The following GULP1 variants were observed in gnomAD, a reference collection of about 807,000 sequenced individuals.
GULP1 encodes the protein GULP PTB domain containing engulfment adaptor 1.
Under a neutral mutation model 40.9 loss-of-function variants are expected in GULP1, and 19 were observed. The ratio of observed to expected loss-of-function variants is 0.46; its 90% CI spans 0.32 to 0.68. GULP1 has a LOEUF of 0.68. GULP1 is among the 30% of genes least tolerant of loss of function. The probability of loss-of-function intolerance (pLI) is 0.03; values close to 1 mark genes in which losing one functional copy is unlikely to be tolerated. For missense variants in GULP1, 312 were observed against 362.2 expected, an observed-to-expected ratio of 0.86 and a Z score of 1.12; for synonymous variants, 119 against 117.6, an observed-to-expected ratio of 1.01 and a Z score of -0.08.
intron 5 of GULP1, 157 bp downstream of exon 5, chr2:188,522,984 T>A (rs898551366): frequency 5.8e-6 from 3 of 514,990 alleles, no homozygotes; most frequent in African/African-American, 5.7e-5. Flanking sequence ...AAGGAAACAT[T>A]TTTAATAACA....
At chr2:188,540,377 T>A (rs925386399) in intron 6 of GULP1, among the ~76,000 whole-genome samples, 3 of 151,800 alleles carry the variant, frequency 2.0e-5, no homozygotes, top group Non-Finnish European at 4.4e-5. Context: ...TTATTTTATA[T>A]AAATATTTTT....
chr2:188,436,011 C>T (rs1382417863), intron 2 of GULP1, among the ~76,000 whole-genome samples: 1 of 152,020 alleles, frequency 6.6e-6, no homozygotes, highest in African/African-American at 2.4e-5. Context: ...GTTTTGAGAC[C>T]TTAATTATAT....
intron 9 of GULP1, among the ~76,000 whole-genome samples, chr2:188,579,466 G>C (rs903368281): frequency 1.3e-5 from 2 of 152,116 alleles, no homozygotes; most frequent in African/African-American, 4.8e-5. Flanking sequence ...CCTGCACACA[G>C]TGTGTAATGA....
chr2:188,592,156 A>T (rs1456656396), intron 11 of GULP1: 1 of 152,004 alleles, frequency 6.6e-6, no homozygotes, highest in Non-Finnish European at 1.5e-5. Context: ...TCCAATATTG[A>T]TAACACATTG....
At chr2:188,317,154 A>G (rs1048354481) in intron 1 of GULP1, among the ~76,000 whole-genome samples, 1 of 152,160 alleles carries the variant, frequency 6.6e-6, no homozygotes, top group Non-Finnish European at 1.5e-5. Context: ...GCCCTGCACA[A>G]TCTGGCCTCA....
chr2:188,532,233 T>C (rs1687734643), intron 6 of GULP1, among the ~76,000 whole-genome samples: 1 of 152,234 alleles, frequency 6.6e-6, no homozygotes, highest in Non-Finnish European at 1.5e-5. Context: ...ATTGAACATA[T>C]GGAATGTTTC....
rs2048395646 is a variant in GULP1, at chr2:188,377,134, T to C, written c.-171-6629T>C. Among the ~76,000 whole-genome samples the C allele has an allele frequency of 2.7e-5, 4 of 150,524 alleles. No homozygotes were observed. The South Asian group carries it at 8.3e-4, about 31-fold the overall frequency. On this transcript the variant is annotated intron_variant, in intron 1 of 11. Transcript: ENST00000409830. ...TTGTGGTGAGCCGAGATTGCACCAC[T>C]GCACTCCATCCTGGGCAACAGAGCG...
At chr2:188,348,060 A>G (rs1344961460) in intron 1 of GULP1, among the ~76,000 whole-genome samples, 1 of 152,256 alleles carries the variant, frequency 6.6e-6, no homozygotes, top group African/African-American at 2.4e-5. Flanking sequence ...TCAAAGAAAT[A>G]AAATTCAGTG....
In GULP1 at chr2:188,414,121, G is replaced by A. The variant is rs191241019; in HGVS notation, c.-45+30232G>A. ...AATCCCAGCTACTCAGGAAGCTGTGGCAGGAGAATTGCTTGAACCTGGGAG... is the reference window on the plus strand; with the variant it reads ...AATCCCAGCTACTCAGGAAGCTGTGACAGGAGAATTGCTTGAACCTGGGAG... On this transcript the variant is annotated intron_variant, in intron 2 of 11. Coordinates refer to ENST00000409830, the MANE Select transcript of GULP1 (RefSeq NM_016315.4). Among the ~76,000 whole-genome samples, 855 of 151,284 alleles carry A rather than the reference G, an allele frequency of 5.7e-3. 10 individuals are homozygous for A. The highest frequency in any genetic ancestry group is 5.5e-3 in the Admixed American group (84 of 15,170).
At position 188,343,459 on chromosome 2, in the gene GULP1, C is replaced by T. The variant is rs530603456; in HGVS notation, c.-171-40304C>T. ...GCTTGTAGTGTACAGTTAGAGTAGACGTCCTCTTATCTGATAGCATCGTGA... is the reference window on the plus strand; with the variant it reads ...GCTTGTAGTGTACAGTTAGAGTAGATGTCCTCTTATCTGATAGCATCGTGA... On this transcript the variant is annotated intron_variant, in intron 1 of 11. Transcript: ENST00000409830. 7.2e-5 allele frequency among the ~76,000 whole-genome samples: 11 copies of T among 152,238 alleles called. 1 individual carries two copies. Among genetic ancestry groups the T allele is most frequent in the Middle Eastern group, 6.8e-3 (2 of 294 alleles).
At chr2:188,348,753 T>C (rs2044047501) in intron 1 of GULP1, among the ~76,000 whole-genome samples, 1 of 152,206 alleles carries the variant, frequency 6.6e-6, no homozygotes, top group African/African-American at 2.4e-5. Context: ...CTTACCTGAC[T>C]GTAGTACTGT....
intron 4 of GULP1, among the ~76,000 whole-genome samples, chr2:188,518,434 A>G (rs2065406871): frequency 6.6e-6 from 1 of 152,104 alleles, no homozygotes; most frequent in South Asian, 2.1e-4. Context: ...TTGTGGAGTT[A>G]CAAAACTTGA....
intron 2 of GULP1, among the ~76,000 whole-genome samples, chr2:188,402,632 T>A (rs953417288): frequency 6.6e-6 from 1 of 152,006 alleles, no homozygotes; most frequent in African/African-American, 2.4e-5. Flanking sequence ...GCTGGGAATG[T>A]TTAAATGACT....
At chr2:188,340,023 C>A (rs576813946) in intron 1 of GULP1, among the ~76,000 whole-genome samples, 2 of 152,010 alleles carry the variant, frequency 1.3e-5, no homozygotes, top group Non-Finnish European at 2.9e-5. Context: ...CTAAAAAGAA[C>A]GAGAGAGATT....
At chr2:188,585,556 C>A (rs1232270150) in intron 10 of GULP1, among the ~76,000 whole-genome samples, 1 of 152,196 alleles carries the variant, frequency 6.6e-6, no homozygotes, top group East Asian at 1.9e-4. Context: ...AGGCCCAACA[C>A]CACAGGGAAG....
intron 1 of GULP1, among the ~76,000 whole-genome samples, chr2:188,364,052 C>T (rs185199251): frequency 1.8e-4 from 28 of 152,280 alleles, no homozygotes; most frequent in African/African-American, 6.3e-4. Flanking sequence ...GCTACTTTGT[C>T]TAGCATCTAG....
chr2:188,552,236 T>C (rs1007706055), intron 7 of GULP1, among the ~76,000 whole-genome samples: 1 of 151,844 alleles, frequency 6.6e-6, no homozygotes, highest in Non-Finnish European at 1.5e-5. Flanking sequence ...AGTCATAAAT[T>C]CTCTGCCTAG....
At chr2:188,465,669 C>T (rs2060049801) in intron 2 of GULP1, among the ~76,000 whole-genome samples, 1 of 152,082 alleles carries the variant, frequency 6.6e-6, no homozygotes. Context: ...TTTAAATTCT[C>T]CCTCCTTGGG....
intron 5 of GULP1, 30 bp downstream of exon 5, chr2:188,522,857 G>A: frequency 7.6e-7 from 1 of 1,323,226 alleles, no homozygotes; most frequent in Non-Finnish European, 1.1e-6. Flanking sequence ...TAAATTACAA[G>A]TGTATTGACT....
Sources: allele counts gnomAD v4.1 joint callset (sites outside exome capture counted in the v4.1 genomes callset), GRCh38; gene constraint gnomAD v4.1.1; transcripts MANE v1.5; gene names NCBI Gene and HGNC (gene_info 2026-07-23, HGNC 2026-07-21).